VASH1: variants seen among roughly 807,000 people sequenced by gnomAD.
The protein encoded by VASH1 is vasohibin 1.
Under a neutral mutation model 35.0 loss-of-function variants are expected in VASH1, and 16 were observed. That is an observed-to-expected ratio of 0.46 (90% CI 0.31 to 0.70). The LOEUF (loss-of-function observed/expected upper bound fraction) is 0.70, where lower values mean the gene tolerates loss of function less well. VASH1 is among the 30% of genes least tolerant of loss of function. The pLI is 0.05. For synonymous variants in VASH1, 214 were observed against 200.9 expected (o/e 1.07, Z -0.55); for missense variants, 505 against 510.7 (o/e 0.99, Z 0.11).
chr14:76,770,091 G>A (rs756281438), intron 2 of VASH1, 40 bp downstream of exon 2: 156 of 1,572,386 alleles, frequency 9.9e-5, no homozygotes, highest in Non-Finnish European at 1.2e-4. Flanking sequence ...CCTTCTGGCC[G>A]GTGTGGTGGG....
chr14:76,769,404 C>T (rs913068919), intron 1 of VASH1: 23 of 1,289,034 alleles, frequency 1.8e-5, no homozygotes, highest in Admixed American at 2.3e-5. Flanking sequence ...GGCCTGCTAC[C>T]GCTGACTGAC....
At chr14:76,764,337 G>A (rs1298349728) in intron 1 of VASH1, among the ~76,000 whole-genome samples, 1 of 152,204 alleles carries the variant, frequency 6.6e-6, no homozygotes, top group African/African-American at 2.4e-5. Flanking sequence ...GCATAAATGT[G>A]CTCTGCACTG....
intron 3 of VASH1, among the ~76,000 whole-genome samples, chr14:76,772,362 A>G (rs1220573380): frequency 6.6e-6 from 1 of 152,206 alleles, no homozygotes; most frequent in African/African-American, 2.4e-5. Flanking sequence ...AAATTACTTA[A>G]TTACACCCTC....
chr14:76,781,364 C>T lies in VASH1; in HGVS notation c.*2346C>T, dbSNP rs1353580731. The T allele has an allele frequency of 6.6e-6, 1 of 152,230 alleles. No individual in the cohort carries two copies. Among genetic ancestry groups the T allele is most frequent in the African/African-American group, 2.4e-5 (1 of 41,428 alleles). The allele number at this position is 152,230 out of a possible 1,614,324, so 9.4% of individuals were successfully genotyped here. On this transcript the variant is annotated 3_prime_UTR_variant, in exon 7 of 7. Transcript: ENST00000167106. ...TCAGGGAGTGGGGGTAGTGTGGTCT[C>T]CATGTTCCTACTATGCCTAAGAAGA...
chr14:76,769,669 G>A (rs1893738292), intron 1 of VASH1, among the ~76,000 whole-genome samples: 1 of 152,238 alleles, frequency 6.6e-6, no homozygotes, highest in Non-Finnish European at 1.5e-5. Context: ...AAAATAGTCA[G>A]TGAATTAACC....
In VASH1 at chr14:76,778,963, A is replaced by C. The variant is rs1028528816; in HGVS notation, c.1043A>C (p.Lys348Thr). 1.5e-5 allele frequency: 24 copies of C among 1,614,076 alleles called. No homozygotes were observed. The Admixed American group carries it at 2.2e-4, about 15-fold the overall frequency. The stretch of plus-strand genomic sequence containing the variant: ...TCCCACAGGCCCTCGGGTGACAAGA[A>C]GACTTCCGAGCCCAAAGCCATGCCA... ...RSERRPSGDK[K>T]TSEPKAMPDL... The change falls in exon 7 of 7, where the codon AAG (lysine) becomes ACG (threonine). Residue 348 changes from lysine to threonine, a missense_variant. Lys to Thr is a moderately conservative substitution (Grantham distance 78). Transcript: ENST00000167106.
chr14:76,763,170 G>A lies in VASH1; in HGVS notation c.309+40G>A, dbSNP rs1409844067. Reference sequence around the variant, plus strand: ...TCAGGGGGGTGATAGCACAGTCTAGGTTTTAGTGACCTTGGGGCCAAGAGT... The same window carrying A: ...TCAGGGGGGTGATAGCACAGTCTAGATTTTAGTGACCTTGGGGCCAAGAGT... On this transcript the variant is annotated intron_variant, in intron 1 of 6. Coordinates refer to ENST00000167106, the MANE Select transcript of VASH1 (RefSeq NM_014909.5). 7.2e-6 allele frequency: 10 copies of A among 1,385,748 alleles called. No individual in the cohort carries two copies. The African/African-American group carries it at 1.2e-4, about 16-fold the overall frequency. 85.8% of individuals were successfully genotyped at this position (1,385,748 alleles called of 1,614,324 possible).
At chr14:76,777,417 C>T (rs1566687550) in intron 5 of VASH1, among the ~76,000 whole-genome samples, 1 of 152,222 alleles carries the variant, frequency 6.6e-6, no homozygotes, top group Non-Finnish European at 1.5e-5. Flanking sequence ...GGATTCCCAG[C>T]CTATTCAGTG....
chr14:76,778,922 C>A, intron 6 of VASH1, 24 bp from the exon 7 acceptor site: 1 of 1,612,734 alleles, frequency 6.2e-7, no homozygotes, highest in South Asian at 1.1e-5. Context: ...ACTCTCCTCC[C>A]GCTCTGCTCT....
intron 4 of VASH1, 85 bp from the exon 5 acceptor site, chr14:76,775,807 G>C (rs1031899760): frequency 3.4e-6 from 5 of 1,467,778 alleles, no homozygotes; most frequent in African/African-American, 2.8e-5. Context: ...GCGGTGCGTG[G>C]ACCCCGTGGC....
chr14:76,765,461 A>G (rs949602865), intron 1 of VASH1, among the ~76,000 whole-genome samples: 2 of 152,166 alleles, frequency 1.3e-5, no homozygotes, highest in African/African-American at 2.4e-5. Flanking sequence ...CTGAGTAGAA[A>G]GGTACCCTTA....
rs1365528970 is a variant in VASH1, at chr14:76,761,657, C to T, written c.-1165C>T. Reference sequence around the variant, plus strand: ...CCCAGGCACCAGCGCAGCGCGCGCTCGCCCGGCTTCGTCACTCGCCTCCAG... The same window carrying T: ...CCCAGGCACCAGCGCAGCGCGCGCTTGCCCGGCTTCGTCACTCGCCTCCAG... On this transcript the variant is annotated 5_prime_UTR_variant, in exon 1 of 7. Transcript: ENST00000167106. Among the ~76,000 whole-genome samples, 1 of 151,854 alleles carries T rather than the reference C, an allele frequency of 6.6e-6. No homozygotes were observed. Among genetic ancestry groups the T allele is most frequent in the Non-Finnish European group, 1.5e-5 (1 of 67,918 alleles).
chr14:76,771,202 A>G lies in VASH1; in HGVS notation c.411A>G (p.Thr137=), dbSNP rs774842724. The stretch of plus-strand genomic sequence containing the variant: ...CCCGTGCCCACAGGTACAATCACAC[A>G]GGGACACAGTTCTTTGAAATTAAGA... ...RYIRELQYNH[T]GTQFFEIKKS... The change falls in exon 3 of 7, where the codon ACA becomes ACG. Residue 137 remains threonine (T), a synonymous_variant. Coordinates refer to ENST00000167106, the MANE Select transcript of VASH1 (RefSeq NM_014909.5). 3 of 1,602,948 alleles carry G rather than the reference A, an allele frequency of 1.9e-6. No homozygotes were observed. Among genetic ancestry groups the G allele is most frequent in the African/African-American group, 2.7e-5 (2 of 74,546 alleles).
chr14:76,778,028 G>A lies in VASH1; in HGVS notation c.982G>A (p.Ala328Thr). Residue 328 changes from alanine to threonine, a missense_variant, in exon 6 of 7, where the codon GCC becomes ACC. By Grantham distance (58) the Ala-to-Thr change is moderately conservative. Transcript: ENST00000167106. ...RKKDVSSPQRAQSSPHRRNSR... is the reference protein window; with the variant it reads ...RKKDVSSPQRTQSSPHRRNSR... ...GAAGGATGTTTCTTCCCCGCAGCGG[G>A]CCCAGTCCAGCCCCCACCGCAGGAA... 2.6e-6 allele frequency: 4 copies of A among 1,528,670 alleles called. No individual in the cohort carries two copies. The highest frequency in any genetic ancestry group is 3.5e-6 in the Non-Finnish European group (4 of 1,138,638). The allele number at this position is 1,528,670 out of a possible 1,614,324, so 94.7% of individuals were successfully genotyped here. A position where few individuals can be genotyped will look rare whatever the true frequency, so the allele number is the denominator to read the frequency against.
At chr14:76,771,451 G>A (rs1298417810) in intron 3 of VASH1, among the ~76,000 whole-genome samples, 2 of 152,236 alleles carry the variant, frequency 1.3e-5, no homozygotes, top group African/African-American at 2.4e-5. Context: ...GGGCTGCCTT[G>A]ATGAAAAGGA....
chr14:76,780,468 G>A lies in VASH1; in HGVS notation c.*1450G>A, dbSNP rs1894072574. On this transcript the variant is annotated 3_prime_UTR_variant, in exon 7 of 7. Transcript: ENST00000167106. ...TTACTGAGAGGCTGTAAGTCTGCCA[G>A]GGACAGCTGTCAGTAAGGCTGCAGA... The A allele has an allele frequency of 6.6e-6, 1 of 152,400 alleles. No individual in the cohort carries two copies. The highest frequency in any genetic ancestry group is 2.4e-5 in the African/African-American group (1 of 41,450). The allele number at this position is 152,400 out of a possible 1,614,324, so 9.4% of individuals were successfully genotyped here.
intron 4 of VASH1, among the ~76,000 whole-genome samples, chr14:76,775,497 C>T (rs1047311278): frequency 4.6e-5 from 7 of 151,986 alleles, no homozygotes; most frequent in African/African-American, 1.7e-4. Context: ...AGAGTGAAGC[C>T]GCGTCTGTGG....
chr14:76,778,584 G>A (rs1894011545), intron 6 of VASH1, among the ~76,000 whole-genome samples: 1 of 152,162 alleles, frequency 6.6e-6, no homozygotes, highest in African/African-American at 2.4e-5. Flanking sequence ...CAGGGGTGGG[G>A]TACTAAGCAG....
At position 76,775,958 on chromosome 14, in the gene VASH1, G is replaced by A; in HGVS notation, c.597G>A (p.Gly199=). The A allele has an allele frequency of 3.1e-6, 5 of 1,609,944 alleles. No homozygotes were observed. The highest frequency in any genetic ancestry group is 4.2e-6 in the Non-Finnish European group (5 of 1,178,450). Residue 199 remains glycine, a synonymous_variant, in exon 5 of 7, where the codon GGG becomes GGA. Transcript: ENST00000167106. ...FPISFKTYFS[G]NYFRHIVLGV... The stretch of plus-strand genomic sequence containing the variant: ...TCAGCTTCAAGACCTACTTCTCAGG[G>A]AACTACTTCCGCCACATCGTGCTGG...
Sources: gnomAD v4.1 joint callset for allele counts (sites outside exome capture counted in the v4.1 genomes callset) on GRCh38, gnomAD v4.1.1 for gene constraint, MANE v1.5 for transcripts, NCBI Gene and HGNC (gene_info 2026-07-23, HGNC 2026-07-21) for gene names.